DPP6: variants seen among roughly 807,000 people sequenced by gnomAD.
DPP6 encodes A-type potassium channel modulatory protein DPP6.
A neutral mutation model predicts 122.6 loss-of-function variants in DPP6; 69 were observed. That is an observed-to-expected ratio of 0.56 (90% CI 0.46 to 0.69). The LOEUF is 0.69. Ranked by LOEUF, DPP6 falls within the 30% of genes least tolerant of loss-of-function variation. DPP6 has a pLI of 0.00. For missense variants in DPP6, 928 were observed against 1,116.9 expected (o/e 0.83, Z 2.41); for synonymous variants, 418 against 433.1 (o/e 0.97, Z 0.43).
intron 1 of DPP6, among the ~76,000 whole-genome samples, chr7:153,924,000 A>G (rs7805525): frequency 0.41 from 62,776 of 151,880 alleles, 13,077 homozygotes; most frequent in African/African-American, 0.48. Flanking sequence ...TTTCAAATCC[A>G]TGAACATACG....
intron 25 of DPP6, 119 bp downstream of exon 25, chr7:154,889,649 G>C: frequency 6.8e-7 from 1 of 1,480,194 alleles, no homozygotes; most frequent in Non-Finnish European, 9.0e-7. Flanking sequence ...TGTGGTGGTC[G>C]GTGATGAGCA....
intron 1 of DPP6, among the ~76,000 whole-genome samples, chr7:154,208,010 A>G (rs764240751): frequency 3.3e-5 from 5 of 152,090 alleles, no homozygotes; most frequent in Admixed American, 6.6e-5. Flanking sequence ...GTAATTGGGT[A>G]TTTCTAATTA....
intron 1 of DPP6, among the ~76,000 whole-genome samples, chr7:154,076,327 G>C (rs1427577199): frequency 6.6e-6 from 1 of 151,888 alleles, no homozygotes; most frequent in Non-Finnish European, 1.5e-5. Flanking sequence ...GCGGGTGCCT[G>C]TAATCCCAGC....
At chr7:154,052,253 C>T (rs1800394827), upstream of DPP6, among the ~76,000 whole-genome samples, 1 of 152,038 alleles carries the variant, frequency 6.6e-6, no homozygotes, top group African/African-American at 2.4e-5. This position sits in a 1 kb window ranked among gnomAD's most constrained non-coding sequence, Gnocchi z 4.8. Flanking sequence ...TGTGCGACCC[C>T]GTGCCCTCTC....
At chr7:154,514,928 G>A (rs1826369985) in intron 3 of DPP6, among the ~76,000 whole-genome samples, 1 of 152,110 alleles carries the variant, frequency 6.6e-6, no homozygotes, top group Non-Finnish European at 1.5e-5. Context: ...TGGATCAAGT[G>A]GTAATTCTAT....
intron 7 of DPP6, among the ~76,000 whole-genome samples, chr7:154,700,483 T>C (rs755035951): frequency 6.6e-6 from 1 of 152,186 alleles, no homozygotes; most frequent in African/African-American, 2.4e-5. Flanking sequence ...CAGACTCAAG[T>C]TGGGCCTGGA....
At position 153,934,205 on chromosome 7, in the gene DPP6, C is replaced by T. The variant is rs918868909; in HGVS notation, c.51+46471C>T. 5.3e-5 allele frequency among the ~76,000 whole-genome samples: 8 copies of T among 152,216 alleles called. No individual in the cohort carries two copies. The East Asian group carries it at 7.7e-4, about 15-fold the overall frequency. ...TTTTGTTTTTCCCTGTGGGGCCTGG[C>T]GACAGGGTACTTCTGTGGCTCAGCA... On this transcript the variant is annotated intron_variant, in intron 1 of 25. Transcript: ENST00000404039.
At chr7:154,630,356 G>A (rs752223780) in intron 5 of DPP6, among the ~76,000 whole-genome samples, 12 of 152,220 alleles carry the variant, frequency 7.9e-5, no homozygotes, top group African/African-American at 1.7e-4. Context: ...GGTAGAAAAC[G>A]TGGTGTAAAT....
intron 1 of DPP6, among the ~76,000 whole-genome samples, chr7:153,888,782 G>T (rs1181844023): frequency 7.4e-6 from 1 of 135,940 alleles, no homozygotes; most frequent in African/African-American, 2.8e-5. Context: ...AGGTTCTGCA[G>T]ATTTGCAGAT....
chr7:153,845,205 G>A, the DPP6 span, among the ~76,000 whole-genome samples: 4 of 151,936 alleles, frequency 2.6e-5, no homozygotes, highest in African/African-American at 4.8e-5. Context: ...GGTCAACCTC[G>A]CTTTTACTTT....
At chr7:154,142,371 A>G (rs1795888127) in intron 1 of DPP6, among the ~76,000 whole-genome samples, 1 of 152,202 alleles carries the variant, frequency 6.6e-6, no homozygotes, top group African/African-American at 2.4e-5. Context: ...ATGGGCAGAT[A>G]TACAGTGAAC....
intron 1 of DPP6, chr7:154,094,713 G>C (rs563517052): frequency 6.6e-6 from 1 of 152,158 alleles, no homozygotes; most frequent in East Asian, 1.9e-4. Context: ...GACCTCTGAC[G>C]TGCACGGCAG....
At chr7:153,791,690 G>C in the DPP6 span, among the ~76,000 whole-genome samples, 2 of 151,988 alleles carry the variant, frequency 1.3e-5, no homozygotes, top group Non-Finnish European at 2.9e-5. Context: ...AAGGTGCTGG[G>C]ATTACAGGCA....
chr7:154,669,452 C>T lies in DPP6; in HGVS notation c.762+11C>T, dbSNP rs542967433. 6.4e-7 allele frequency: 1 copy of T among 1,551,466 alleles called. No individual in the cohort carries two copies. The highest frequency in any genetic ancestry group is 8.7e-7 in the Non-Finnish European group (1 of 1,147,272). On this transcript the variant is annotated intron_variant, in intron 7 of 25. Coordinates refer to ENST00000377770, the MANE Select transcript of DPP6 (RefSeq NM_130797.4). The stretch of plus-strand genomic sequence containing the variant: ...AAAGGCCAACAGCTGGTAAGCCAAT[C>T]AAGTTCAGTAACTATACTTGGGTTT...
rs1286120593 is a variant in DPP6, at chr7:154,094,885, G to A, written c.243+41822G>A. The A allele has an allele frequency of 2.0e-5, 3 of 152,356 alleles. No individual in the cohort carries two copies. The East Asian group carries it at 5.8e-4, about 29-fold the overall frequency. The allele number at this position is 152,356 out of a possible 1,614,324, so 9.4% of individuals were successfully genotyped here. A position where few individuals can be genotyped will look rare whatever the true frequency, so the allele number is the denominator to read the frequency against. ...AAAGGTCCCTTCCTGCCTCACTGGTGAGCCTTTCTCCCAAATGAGAACTCC... is the reference window on the plus strand; with the variant it reads ...AAAGGTCCCTTCCTGCCTCACTGGTAAGCCTTTCTCCCAAATGAGAACTCC... On this transcript the variant is annotated intron_variant, in intron 1 of 25. Coordinates refer to ENST00000377770, the MANE Select transcript of DPP6 (RefSeq NM_130797.4).
At chr7:154,708,019 GA>G (rs1249486464) in intron 7 of DPP6, among the ~76,000 whole-genome samples, 4 of 152,148 alleles carry the variant, frequency 2.6e-5, no homozygotes, top group African/African-American at 9.7e-5. Context: ...TTGCCCAGCT[GA>G]GCAGTGAAAA....
At chr7:153,850,746 C>T in the DPP6 span, among the ~76,000 whole-genome samples, 1 of 151,822 alleles carries the variant, frequency 6.6e-6, no homozygotes, top group Non-Finnish European at 1.5e-5. Flanking sequence ...TATAATAAAA[C>T]CATCAGATTT....
chr7:154,031,397 A>G (rs1257056124), intron 1 of DPP6, among the ~76,000 whole-genome samples: 3 of 151,214 alleles, frequency 2.0e-5, no homozygotes, highest in Non-Finnish European at 4.4e-5. Context: ...CAAAAAGGTC[A>G]TAATTATTTT....
chr7:153,908,438 G>C (rs1469202038), intron 1 of DPP6, among the ~76,000 whole-genome samples: 1 of 152,180 alleles, frequency 6.6e-6, no homozygotes, highest in East Asian at 1.9e-4. Context: ...TACTACTCAT[G>C]TGTAGACATG....
Sources: gnomAD v4.1 joint callset for allele counts (sites outside exome capture counted in the v4.1 genomes callset) on GRCh38, gnomAD v4.1.1 for gene constraint, Gnocchi (gnomAD v3.1) non-coding constraint, MANE v1.5 for transcripts, NCBI Gene and HGNC (gene_info 2026-07-23, HGNC 2026-07-21) for gene names.